C8A: variants seen among roughly 807,000 people sequenced by gnomAD.
The protein encoded by C8A is complement component C8 alpha chain.
Under a neutral mutation model 65.3 loss-of-function variants are expected in C8A, and 67 were observed. The observed-to-expected ratio is 1.03, with a 90% CI of 0.84 to 1.26. The LOEUF is 1.26. Among genes scored for constraint, C8A ranks in the 50% most tolerant of loss-of-function variants. The pLI is 0.00. For missense variants in C8A, 781 were observed against 723.9 expected (o/e 1.08, Z -0.90); for synonymous variants, 290 against 259.4 (o/e 1.12, Z -1.13).
chr1:56,882,604 A>C (rs1570329917), intron 5 of C8A, among the ~76,000 whole-genome samples: 1 of 152,224 alleles, frequency 6.6e-6, no homozygotes. Flanking sequence ...GACAGAAAAT[A>C]AGGCCAAGCT....
intron 7 of C8A, among the ~76,000 whole-genome samples, chr1:56,899,315 C>G (rs1369905648): frequency 6.6e-6 from 1 of 152,218 alleles, no homozygotes. Context: ...CCTTAGCTCT[C>G]TTTCCCATAG....
rs1644103841 is a variant in C8A, at chr1:56,867,646, T to C, written c.115T>C (p.Cys39Arg). 2.5e-6 allele frequency: 4 copies of C among 1,613,830 alleles called. No individual in the cohort carries two copies. The African/African-American group carries it at 5.3e-5, about 22-fold the overall frequency. ...RRAATPAAVT[C>R]QLSNWSEWTD... ...GGCAGCTACACCCGCAGCAGTTACC[T>C]GCCAGCTGAGCAACTGGTCAGAGTG... Residue 39 changes from cysteine (C) to arginine (R), a missense_variant, in exon 2 of 11, where the codon TGC (cysteine) becomes CGC (arginine). Coordinates refer to ENST00000361249, the MANE Select transcript of C8A (RefSeq NM_000562.3).
chr1:56,879,405 C>T (rs578247400), intron 4 of C8A, among the ~76,000 whole-genome samples: 2 of 152,314 alleles, frequency 1.3e-5, no homozygotes, highest in South Asian at 4.1e-4. Context: ...GGGGCTTTCA[C>T]AACCAGCTTT....
At chr1:56,889,027 C>G (rs1419687059) in intron 7 of C8A, among the ~76,000 whole-genome samples, 2 of 152,118 alleles carry the variant, frequency 1.3e-5, no homozygotes, top group East Asian at 3.8e-4. Flanking sequence ...CCTGGGGTAT[C>G]TGGTGGCCCC....
chr1:56,902,595 A>G (rs1253405778), intron 7 of C8A, among the ~76,000 whole-genome samples: 1 of 152,138 alleles, frequency 6.6e-6, no homozygotes, highest in Non-Finnish European at 1.5e-5. Context: ...TTGCTCTCAG[A>G]CTTTATCTTG....
At chr1:56,860,552 T>A (rs980846154) in intron 1 of C8A, among the ~76,000 whole-genome samples, 1 of 152,058 alleles carries the variant, frequency 6.6e-6, no homozygotes, top group African/African-American at 2.4e-5. Context: ...TGGAGAAAGG[T>A]AAAGTAGAAG....
chr1:56,881,669 G>A (rs374504470), intron 5 of C8A, 35 bp downstream of exon 5: 16 of 1,585,728 alleles, frequency 1.0e-5, no homozygotes, highest in Admixed American at 5.0e-5. Flanking sequence ...AGGCCACTGT[G>A]GTGTAGGTGG....
At chr1:56,872,905 A>AAAAGAAAG (rs140910531) in intron 2 of C8A, among the ~76,000 whole-genome samples, 1 of 151,918 alleles carries the variant, frequency 6.6e-6, no homozygotes, top group Non-Finnish European at 1.5e-5. Context: ...GAGGAAAAAA[A>AAAAGAAAG]AAAGAAAGAA....
chr1:56,906,337 C>A (rs183633274), intron 7 of C8A, among the ~76,000 whole-genome samples: 1 of 152,138 alleles, frequency 6.6e-6, no homozygotes, highest in East Asian at 1.9e-4. Context: ...TATCATGGCC[C>A]GGGCACTGAG....
intron 7 of C8A, among the ~76,000 whole-genome samples, chr1:56,905,646 C>T (rs1157812200): frequency 6.6e-6 from 1 of 152,138 alleles, no homozygotes; most frequent in Non-Finnish European, 1.5e-5. Flanking sequence ...ATCTTTAGCT[C>T]AACTGAATGA....
intron 1 of C8A, among the ~76,000 whole-genome samples, chr1:56,864,019 T>G (rs1644060184): frequency 6.6e-6 from 1 of 152,084 alleles, no homozygotes; most frequent in Admixed American, 6.6e-5. Context: ...CTGTAGCAAA[T>G]ATAGACAGTA....
chr1:56,881,816 C>T (rs1644250822), intron 5 of C8A, among the ~76,000 whole-genome samples, 182 bp downstream of exon 5: 4 of 152,168 alleles, frequency 2.6e-5, no homozygotes. Flanking sequence ...AGAGGCAGAT[C>T]ATAAATGTGG....
At chr1:56,894,229 G>A (rs745648692) in intron 7 of C8A, among the ~76,000 whole-genome samples, 72 of 152,048 alleles carry the variant, frequency 4.7e-4, no homozygotes, top group Admixed American at 4.0e-3. Flanking sequence ...TTATCATGAT[G>A]TCCAGCCTGC....
At position 56,904,164 on chromosome 1, in the gene C8A, C is replaced by T. The variant is rs141084804; in HGVS notation, c.1097-2503C>T. 2.0e-4 allele frequency among the ~76,000 whole-genome samples: 31 copies of T among 152,274 alleles called. No individual in the cohort carries two copies. In the East Asian group the frequency reaches 2.7e-3, roughly 13 times the overall value. Reference sequence around the variant, plus strand: ...CTTTCTGTTTATCTCTCTGGTTCTGCGTCCTGGCTTCCAATGCCAGTTTCA... The same window carrying T: ...CTTTCTGTTTATCTCTCTGGTTCTGTGTCCTGGCTTCCAATGCCAGTTTCA... On this transcript the variant is annotated intron_variant, in intron 7 of 10. Transcript: ENST00000361249.
chr1:56,907,698 C>A lies in C8A; in HGVS notation c.1223-258C>A, dbSNP rs545888946. On this transcript the variant is annotated intron_variant, in intron 8 of 10. Coordinates refer to ENST00000361249, the MANE Select transcript of C8A (RefSeq NM_000562.3). ...AATGAATGAATAAATGAATGACCAC[C>A]CATTTCCTGTTCCCCTTATCCTCCA... Among the ~76,000 whole-genome samples, 14 of 152,254 alleles carry A rather than the reference C, an allele frequency of 9.2e-5. No homozygotes were observed. In the East Asian group the frequency reaches 2.5e-3, roughly 27 times the overall value.
intron 7 of C8A, among the ~76,000 whole-genome samples, chr1:56,897,946 A>C (rs952893704): frequency 7.2e-5 from 11 of 152,178 alleles, no homozygotes; most frequent in Non-Finnish European, 8.8e-5. Flanking sequence ...TAAATGTTTA[A>C]ATAGAAACAA....
chr1:56,904,306 G>A (rs1377198873), intron 7 of C8A, among the ~76,000 whole-genome samples: 1 of 152,132 alleles, frequency 6.6e-6, no homozygotes, highest in Admixed American at 6.6e-5. Context: ...TACAGCCTCT[G>A]ATGAAAGACT....
At chr1:56,885,623 C>G (rs1644293623) in intron 6 of C8A, among the ~76,000 whole-genome samples, 1 of 147,740 alleles carries the variant, frequency 6.8e-6, no homozygotes, top group African/African-American at 2.5e-5. Context: ...GCGATCTCGG[C>G]TCACCGCAAC....
In C8A at chr1:56,871,899, G is replaced by T. The variant is rs12759703; in HGVS notation, c.172-3050G>T. 3.4e-3 allele frequency among the ~76,000 whole-genome samples: 519 copies of T among 152,234 alleles called. 4 individuals are homozygous for T. Among genetic ancestry groups the T allele is most frequent in the South Asian group, 0.022 (108 of 4,816 alleles). ...GAATAACATTATGTGTTATTTGTTT[G>T]GAGAAGCTCAAGCTGTTACTAAACT... On this transcript the variant is annotated intron_variant, in intron 2 of 10. Transcript: ENST00000361249.
Sources: gnomAD v4.1 joint callset for allele counts (sites outside exome capture counted in the v4.1 genomes callset) on GRCh38, gnomAD v4.1.1 for gene constraint, MANE v1.5 for transcripts, NCBI Gene and HGNC (gene_info 2026-07-23, HGNC 2026-07-21) for gene names.